DTNA: variants seen among roughly 807,000 people sequenced by gnomAD.
DTNA encodes dystrophin-related protein 3.
Under a neutral mutation model 100.7 loss-of-function variants are expected in DTNA, and 43 were observed. The observed-to-expected ratio is 0.43, with a 90% confidence interval of 0.33 to 0.55. DTNA has a LOEUF of 0.55. Among genes scored for constraint, DTNA ranks in the 20% least tolerant of loss-of-function variants. DTNA has a pLI of 0.04. For missense variants in DTNA, 798 were observed against 953.9 expected (o/e 0.84, Z 2.15); for synonymous variants, 349 against 347.9 (o/e 1.00, Z -0.04).
At chr18:34,730,073 T>C (rs1036420410) in intron 1 of DTNA, among the ~76,000 whole-genome samples, 2 of 152,100 alleles carry the variant, frequency 1.3e-5, no homozygotes, top group South Asian at 2.1e-4. Flanking sequence ...ACCAGGACAT[T>C]GTGTCCCCAG....
intron 1 of DTNA, among the ~76,000 whole-genome samples, chr18:34,751,460 GA>G (rs67652946): frequency 0.077 from 11,646 of 152,226 alleles, 509 homozygotes; most frequent in African/African-American, 0.099. Flanking sequence ...GCGTCGATTG[GA>G]AAGCCCTTTA....
chr18:34,506,349 AG>A (rs929592634), intron 1 of DTNA, among the ~76,000 whole-genome samples: 2 of 151,696 alleles, frequency 1.3e-5, no homozygotes, highest in East Asian at 1.9e-4. Context: ...GGTGAGGAAT[AG>A]GGGGGGTCTT....
chr18:34,845,711 C>T (rs1234281921), intron 13 of DTNA, among the ~76,000 whole-genome samples: 1 of 152,136 alleles, frequency 6.6e-6, no homozygotes, highest in Non-Finnish European at 1.5e-5. Flanking sequence ...TTCATTGAAG[C>T]TGTAATAAAG....
chr18:34,499,292 T>A (rs1198861033), intron 1 of DTNA, among the ~76,000 whole-genome samples: 1 of 152,234 alleles, frequency 6.6e-6, no homozygotes, highest in Non-Finnish European at 1.5e-5. Context: ...GAGATTTATC[T>A]AGGTTGTTGA....
chr18:34,523,733 A>G (rs993108300), intron 1 of DTNA, among the ~76,000 whole-genome samples: 2 of 152,186 alleles, frequency 1.3e-5, no homozygotes, highest in African/African-American at 2.4e-5. Context: ...CTAGAGCTCA[A>G]ACTTCAAGAT....
rs528812896 is a variant in DTNA, at chr18:34,534,015, C to T, written c.-2+40501C>T. On this transcript the variant is annotated intron_variant, in intron 1 of 19. Coordinates refer to the DTNA transcript ENST00000283365. ...CTTCTAAGCCCTTAACTATGTTGAA[C>T]CTCACTTTTATCAGAGTTGGAACAG... is the stretch of plus-strand genomic sequence containing the variant. Among the ~76,000 whole-genome samples, 5 of 152,136 alleles carry T rather than the reference C, an allele frequency of 3.3e-5. 1 individual carries two copies. The highest frequency in any genetic ancestry group is 3.4e-3 in the Middle Eastern group (1 of 294).
At chr18:34,678,207 G>C (rs563144530) in intron 1 of DTNA, among the ~76,000 whole-genome samples, 7 of 152,044 alleles carry the variant, frequency 4.6e-5, no homozygotes, top group South Asian at 2.1e-4. Flanking sequence ...CAGCAAACCC[G>C]TATCATAAAT....
intron 1 of DTNA, among the ~76,000 whole-genome samples, chr18:34,569,449 A>G (rs530794941): frequency 1.5e-4 from 23 of 152,148 alleles, no homozygotes; most frequent in Non-Finnish European, 2.6e-4. Context: ...GAAAGTGATC[A>G]TGTTGGATGA....
intron 1 of DTNA, among the ~76,000 whole-genome samples, chr18:34,725,733 C>T (rs1380445186): frequency 6.6e-6 from 1 of 152,202 alleles, no homozygotes; most frequent in Non-Finnish European, 1.5e-5. Flanking sequence ...TTTGACCCAA[C>T]AATCCCATTA....
chr18:34,537,061 C>T (rs2043788095), intron 1 of DTNA, among the ~76,000 whole-genome samples: 1 of 151,964 alleles, frequency 6.6e-6, no homozygotes, highest in South Asian at 2.1e-4. Context: ...TGAAGTCAAA[C>T]TGTGTTCTGT....
At chr18:34,752,156 G>A (rs535516917) in intron 1 of DTNA, among the ~76,000 whole-genome samples, 2 of 152,168 alleles carry the variant, frequency 1.3e-5, no homozygotes, top group African/African-American at 4.8e-5. Flanking sequence ...TGGGCTCATC[G>A]GTGAGCCATG....
intron 1 of DTNA, among the ~76,000 whole-genome samples, chr18:34,497,689 A>C (rs2039404632): frequency 6.6e-6 from 1 of 152,158 alleles, no homozygotes; most frequent in Non-Finnish European, 1.5e-5. Context: ...TTGTTTAAAA[A>C]AAAAAAAGTG....
At chr18:34,788,158 T>C (rs1157697450) in intron 3 of DTNA, among the ~76,000 whole-genome samples, 1 of 152,200 alleles carries the variant, frequency 6.6e-6, no homozygotes, top group Non-Finnish European at 1.5e-5. Flanking sequence ...TAGTCATTAT[T>C]ACACAACCTA....
chr18:34,761,955 C>G (rs148634569), intron 2 of DTNA, among the ~76,000 whole-genome samples: 339 of 151,780 alleles, frequency 2.2e-3, no homozygotes, highest in African/African-American at 8.1e-3. Context: ...AAAAATGTAA[C>G]GAGAAAATTC....
chr18:34,847,290 A>C (rs1389430651), intron 13 of DTNA, among the ~76,000 whole-genome samples: 1 of 152,208 alleles, frequency 6.6e-6, no homozygotes, highest in Non-Finnish European at 1.5e-5. Flanking sequence ...AGGAGGCACT[A>C]AAAAATTCCA....
intron 1 of DTNA, among the ~76,000 whole-genome samples, chr18:34,720,046 A>G (rs563734586): frequency 3.3e-5 from 5 of 152,302 alleles, no homozygotes; most frequent in Admixed American, 2.6e-4. Flanking sequence ...AAATGCGCTA[A>G]TATTTTTATA....
chr18:34,615,207 A>G (rs2055005847), intron 1 of DTNA, among the ~76,000 whole-genome samples: 1 of 152,252 alleles, frequency 6.6e-6, no homozygotes, highest in African/African-American at 2.4e-5. Flanking sequence ...AAGCAGAAGC[A>G]AGAGAAAGAG....
At chr18:34,875,499 T>C (rs887324571) in intron 18 of DTNA, 101 bp downstream of exon 18, 1 of 1,543,362 alleles carries the variant, frequency 6.5e-7, no homozygotes, top group Non-Finnish European at 8.9e-7. Flanking sequence ...ATGTGACTAT[T>C]GTAGGGTCTT....
chr18:34,752,809 AC>A (rs1433271140), intron 1 of DTNA, among the ~76,000 whole-genome samples: 2 of 152,234 alleles, frequency 1.3e-5, no homozygotes, highest in East Asian at 1.9e-4. Flanking sequence ...ATCAAAAAAA[AC>A]ATGAGGAATA....
Sources: allele counts gnomAD v4.1 joint callset (sites outside exome capture counted in the v4.1 genomes callset), GRCh38; gene constraint gnomAD v4.1.1; transcripts MANE v1.5; gene names NCBI Gene and HGNC (gene_info 2026-07-23, HGNC 2026-07-21).